The following UBE2R2 variants were observed in gnomAD, a reference collection of about 807,000 sequenced individuals.
UBE2R2 encodes the protein ubiquitin-conjugating enzyme E2 R2.
UBE2R2 carries 1 observed loss-of-function variant against 27.8 expected under a neutral mutation model. The ratio of observed to expected loss-of-function variants is 0.04; its 90% CI spans 0.01 to 0.17. UBE2R2 has a LOEUF of 0.17. Ranked by LOEUF, UBE2R2 falls within the 10% of genes least tolerant of loss-of-function variation. The pLI, the probability that UBE2R2 is intolerant of heterozygous loss-of-function variation, is 1.00. For synonymous variants in UBE2R2, 106 were observed against 113.3 expected (o/e 0.94, Z 0.41); for missense variants, 100 against 291.0 (o/e 0.34, Z 4.78).
Position 33,917,429 on chromosome 9 carries a change from C to T in UBE2R2, c.*192C>T. The stretch of plus-strand genomic sequence containing the variant: ...TGGACCTTTAATGGAGAGAGAGTAA[C>T]CCTCCACAGAATGTCTGAATTCTTG... On this transcript the variant is annotated 3_prime_UTR_variant, in exon 5 of 5. Coordinates refer to ENST00000263228, the MANE Select transcript of UBE2R2 (RefSeq NM_017811.4). 1 of 741,472 alleles carries T rather than the reference C, an allele frequency of 1.3e-6. No individual in the cohort carries two copies. The highest frequency in any genetic ancestry group is 2.1e-6 in the Non-Finnish European group (1 of 469,196). The allele number at this position is 741,472 out of a possible 1,614,324, so 45.9% of individuals were successfully genotyped here. A position where few individuals can be genotyped will look rare whatever the true frequency, so the allele number is the denominator to read the frequency against.
intron 2 of UBE2R2, among the ~76,000 whole-genome samples, chr9:33,895,721 G>C (rs950287351): frequency 6.8e-6 from 1 of 147,826 alleles, no homozygotes; most frequent in African/African-American, 2.5e-5. Flanking sequence ...AGTTTTCAAC[G>C]TACAAGTCTT....
intron 1 of UBE2R2, among the ~76,000 whole-genome samples, chr9:33,880,569 A>AT (rs1821711766): frequency 6.6e-6 from 1 of 152,204 alleles, no homozygotes; most frequent in African/African-American, 2.4e-5. Flanking sequence ...TGCGTGTTCT[A>AT]TGTGTCCACA....
intron 1 of UBE2R2, among the ~76,000 whole-genome samples, chr9:33,885,915 A>G (rs1004739618): frequency 2.0e-5 from 3 of 152,200 alleles, no homozygotes; most frequent in East Asian, 1.9e-4. Flanking sequence ...TGTAACAGCA[A>G]AGGTGTGAGA....
chr9:33,855,412 T>C (rs1821078938), intron 1 of UBE2R2, among the ~76,000 whole-genome samples: 1 of 152,258 alleles, frequency 6.6e-6, no homozygotes, highest in African/African-American at 2.4e-5. Context: ...TTTGTCCATC[T>C]TTGATACAGT....
chr9:33,879,252 G>A, intron 1 of UBE2R2, among the ~76,000 whole-genome samples: 1 of 152,116 alleles, frequency 6.6e-6, no homozygotes, highest in African/African-American at 2.4e-5. Context: ...TCAATCAGTC[G>A]ATCAATATAA....
At chr9:33,877,823 G>GTCTGTCTGTCTGTCTGTCTGTCTC in intron 1 of UBE2R2, among the ~76,000 whole-genome samples, 5 of 131,128 alleles carry the variant, frequency 3.8e-5, no homozygotes, top group African/African-American at 1.6e-4. Context: ...CTGTCTGTCT[G>GTCTGTCTGTCTGTCTGTCTGTCTC]TCTCTCTCTC....
intron 2 of UBE2R2, among the ~76,000 whole-genome samples, chr9:33,893,481 T>C (rs987764569): frequency 6.6e-6 from 1 of 152,216 alleles, no homozygotes; most frequent in Admixed American, 6.5e-5. Flanking sequence ...TGGACACATT[T>C]GGATTGTTTC....
At chr9:33,828,950 G>A (rs1284905043) in intron 1 of UBE2R2, among the ~76,000 whole-genome samples, 1 of 152,002 alleles carries the variant, frequency 6.6e-6, no homozygotes, top group African/African-American at 2.4e-5. Context: ...GGCCAGACTC[G>A]TCTCGAATTC....
At chr9:33,874,887 G>C (rs1260086811) in intron 1 of UBE2R2, among the ~76,000 whole-genome samples, 1 of 152,070 alleles carries the variant, frequency 6.6e-6, no homozygotes, top group African/African-American at 2.4e-5. Flanking sequence ...GGCTAGTTTT[G>C]AACTCCTGGG....
chr9:33,865,196 A>ATCTG (rs1056877396), intron 1 of UBE2R2, among the ~76,000 whole-genome samples: 1 of 148,946 alleles, frequency 6.7e-6, no homozygotes, highest in Non-Finnish European at 1.5e-5. Context: ...CTCTCTCTCT[A>ATCTG]TCTATCTATC....
intron 1 of UBE2R2, among the ~76,000 whole-genome samples, chr9:33,825,504 G>A (rs1412176041): frequency 6.6e-6 from 1 of 152,098 alleles, no homozygotes; most frequent in Non-Finnish European, 1.5e-5. Context: ...GCCTCCCAAA[G>A]TGCTGGGATT....
chr9:33,896,964 G>C (rs376591586), intron 2 of UBE2R2, among the ~76,000 whole-genome samples: 11,304 of 115,612 alleles, frequency 0.098, 632 homozygotes, highest in Non-Finnish European at 0.14. Context: ...TTTTTTTTTT[G>C]TTGTTTGTTT....
At chr9:33,852,346 C>T (rs1434626802) in intron 1 of UBE2R2, among the ~76,000 whole-genome samples, 2 of 152,142 alleles carry the variant, frequency 1.3e-5, no homozygotes, top group Non-Finnish European at 2.9e-5. Flanking sequence ...TTATTTCTAG[C>T]TGGCCCGGAG....
chr9:33,885,143 CTTTCTTGTTGTAT>C (rs1821830124), intron 1 of UBE2R2, among the ~76,000 whole-genome samples: 1 of 152,156 alleles, frequency 6.6e-6, no homozygotes, highest in Non-Finnish European at 1.5e-5. Flanking sequence ...AAACTCTTTA[CTTTCTTGTTGTAT>C]ACATTCTCAA....
At chr9:33,819,255 T>C (rs1211923614) in intron 1 of UBE2R2, among the ~76,000 whole-genome samples, 1 of 152,200 alleles carries the variant, frequency 6.6e-6, no homozygotes. Context: ...CCCAATTACT[T>C]AACTCTTGTT....
intron 1 of UBE2R2, among the ~76,000 whole-genome samples, chr9:33,864,990 C>T (rs535993945): frequency 2.0e-4 from 31 of 152,208 alleles, no homozygotes; most frequent in Admixed American, 1.6e-3. Context: ...TCCCAAAGTG[C>T]TGGGATTACA....
intron 1 of UBE2R2, among the ~76,000 whole-genome samples, chr9:33,877,819 G>GTCTCTCTCTC (rs1435783363): frequency 6.3e-4 from 59 of 92,992 alleles, no homozygotes; most frequent in Non-Finnish European, 1.0e-3. Context: ...CTGTCTGTCT[G>GTCTCTCTCTC]TCTGTCTCTC....
chr9:33,889,082 TAAC>T (rs1366271484), intron 2 of UBE2R2, among the ~76,000 whole-genome samples: 2 of 152,260 alleles, frequency 1.3e-5, no homozygotes, highest in African/African-American at 2.4e-5. Context: ...CTGTTCTGTG[TAAC>T]AACATTATCT....
At chr9:33,861,763 T>C (rs1239255275) in intron 1 of UBE2R2, among the ~76,000 whole-genome samples, 1 of 152,166 alleles carries the variant, frequency 6.6e-6, no homozygotes, top group Non-Finnish European at 1.5e-5. Flanking sequence ...AAATATGGAT[T>C]GATGAAAGTG....
Sources: allele counts gnomAD v4.1 joint callset (sites outside exome capture counted in the v4.1 genomes callset), GRCh38; gene constraint gnomAD v4.1.1; transcripts MANE v1.5; gene names NCBI Gene and HGNC (gene_info 2026-07-23, HGNC 2026-07-21).